Variants in NAV1 observed in about 807,000 individuals in gnomAD.
The protein encoded by NAV1 is pore membrane and/or filament interacting like protein 3.
Under a neutral mutation model 175.2 loss-of-function variants are expected in NAV1, and 18 were observed. The observed-to-expected ratio is 0.10, with a 90% CI of 0.07 to 0.15. The LOEUF (loss-of-function observed/expected upper bound fraction) is 0.15. Ranked by LOEUF, NAV1 falls within the 10% of genes least tolerant of loss-of-function variation. NAV1 has a pLI of 1.00. For missense variants in NAV1, 1,731 were observed against 2,436.6 expected, an observed-to-expected ratio of 0.71 and a Z score of 6.10; for synonymous variants, 897 against 978.7, an observed-to-expected ratio of 0.92 and a Z score of 1.56.
chr1:201,663,761 G>T (rs74136660), intron 1 of NAV1, among the ~76,000 whole-genome samples: 2 of 152,166 alleles, frequency 1.3e-5, no homozygotes, highest in Non-Finnish European at 2.9e-5. Context: ...AGGGTATTGG[G>T]TTGTGGGGAG....
chr1:201,675,174 C>T (rs1382489437), intron 1 of NAV1, among the ~76,000 whole-genome samples: 1 of 152,198 alleles, frequency 6.6e-6, no homozygotes, highest in Non-Finnish European at 1.5e-5. Flanking sequence ...AGGGAACGGC[C>T]TCCAGACTAC....
intron 1 of NAV1, among the ~76,000 whole-genome samples, chr1:201,567,294 T>C (rs1379516073): frequency 2.0e-5 from 3 of 152,128 alleles, no homozygotes; most frequent in Admixed American, 6.5e-5. Context: ...CCTCTGTTGT[T>C]TTTTCTGATG....
chr1:201,705,122 T>A (rs1671613749), intron 1 of NAV1, among the ~76,000 whole-genome samples: 1 of 152,152 alleles, frequency 6.6e-6, no homozygotes, highest in Non-Finnish European at 1.5e-5. Context: ...CCTCACCCTC[T>A]TTACGTGTTC....
intron 1 of NAV1, among the ~76,000 whole-genome samples, chr1:201,656,201 A>G (rs1405633950): frequency 1.3e-5 from 2 of 152,242 alleles, no homozygotes; most frequent in East Asian, 1.9e-4. Context: ...AGACATCTCA[A>G]TGATACATTT....
At chr1:201,605,144 T>C (rs1049664319) in intron 2 of NAV1, among the ~76,000 whole-genome samples, 3 of 151,386 alleles carry the variant, frequency 2.0e-5, no homozygotes, top group South Asian at 2.1e-4. Context: ...TTTTTTTTTT[T>C]CCTTCCCCCT....
At chr1:201,703,078 C>T (rs2102447617) in intron 1 of NAV1, among the ~76,000 whole-genome samples, 1 of 152,360 alleles carries the variant, frequency 6.6e-6, no homozygotes, top group South Asian at 2.1e-4. Context: ...CCTCCCCACT[C>T]CCGTCCCCAT....
At chr1:201,797,693 T>G (rs1160449444) in intron 15 of NAV1, 1 of 152,278 alleles carries the variant, frequency 6.6e-6, no homozygotes, top group Non-Finnish European at 1.5e-5. Flanking sequence ...TTTGCAGTTT[T>G]TCAGCATATG....
chr1:201,642,694 T>TC (rs372998370), intron 2 of NAV1, among the ~76,000 whole-genome samples: 16,195 of 140,388 alleles, frequency 0.12, 1,303 homozygotes, highest in African/African-American at 0.25. Flanking sequence ...CTTCCCTTTC[T>TC]TCTCTCTCTT....
rs895537617 is a variant in NAV1 at position 201,810,563 on chromosome 1, G to T, written c.4602G>T (p.Thr1534=). 12 of 1,613,134 alleles carry T rather than the reference G, an allele frequency of 7.4e-6. No individual in the cohort carries two copies. Among genetic ancestry groups the T allele is most frequent in the Middle Eastern group, 1.6e-4 (1 of 6,082 alleles). ...GCGTCGACAGCCTGGTGTTCGAGAC[G>T]CTGATCCCCAAGCCGATGATGCAGC... The change falls in exon 24 of 30, where the codon ACG becomes ACT. Residue 1534 remains threonine (T), a synonymous_variant. Coordinates refer to ENST00000367296, the Ensembl canonical transcript of NAV1. This position sits in a 1 kb window ranked among gnomAD's most constrained non-coding sequence, Gnocchi z 6.0.
Position 201,782,968 on chromosome 1 carries a change from G to A in NAV1, c.2357+99G>A, listed in dbSNP as rs945240001. 41 of 1,020,690 alleles carry A rather than the reference G, an allele frequency of 4.0e-5. No homozygotes were observed. In the African/African-American group the frequency reaches 5.1e-4, roughly 13 times the overall value. 63.2% of individuals were successfully genotyped at this position (1,020,690 alleles called of 1,614,324 possible). On this transcript the variant is annotated intron_variant, in intron 6 of 29. Coordinates refer to ENST00000367296, the Ensembl canonical transcript of NAV1. This position sits in a 1 kb window ranked among gnomAD's most constrained non-coding sequence, Gnocchi z 5.4. ...CTAGATGAGGCATGGCCTATCCACC[G>A]TTGTCTCTAGGCCTTTGCATGGCTC...
exon 2 of NAV1, chr1:201,629,464 T>C (rs754777074): frequency 2.1e-5 from 28 of 1,304,244 alleles, no homozygotes; most frequent in African/African-American, 1.2e-4. Flanking sequence ...TTGATGGCTA[T>C]GCTGAGCCCC....
intron 2 of NAV1, among the ~76,000 whole-genome samples, chr1:201,608,350 G>A (rs548737865): frequency 6.6e-6 from 1 of 152,164 alleles, no homozygotes; most frequent in Non-Finnish European, 1.5e-5. Flanking sequence ...CACGGCCTGC[G>A]AGTTTCTGAT....
chr1:201,720,581 GCAGGACTTCC>G (rs1672340369), intron 3 of NAV1, among the ~76,000 whole-genome samples: 1 of 152,190 alleles, frequency 6.6e-6, no homozygotes. Context: ...GAGGAAGGTG[GCAGGACTTCC>G]GGCTCTTAAC....
intron 1 of NAV1, among the ~76,000 whole-genome samples, chr1:201,625,114 C>T (rs192163139): frequency 6.6e-6 from 1 of 152,304 alleles, no homozygotes; most frequent in East Asian, 1.9e-4. Context: ...TTTAAAAGGA[C>T]ATCGACATAC....
chr1:201,633,240 A>G (rs1190012250), intron 2 of NAV1, among the ~76,000 whole-genome samples: 1 of 152,242 alleles, frequency 6.6e-6, no homozygotes, highest in Non-Finnish European at 1.5e-5. Context: ...ACTAAATGGT[A>G]ATAATGACTA....
At chr1:201,781,222 C>T (rs781164763) in exon 5 of NAV1, 2 of 1,614,004 alleles carry the variant, frequency 1.2e-6, no homozygotes. Flanking sequence ...CCTGGGCCAC[C>T]CTGGTTCCCT....
intron 1 of NAV1, among the ~76,000 whole-genome samples, chr1:201,567,942 C>T (rs1410234286): frequency 6.6e-6 from 1 of 152,142 alleles, no homozygotes; most frequent in African/African-American, 2.4e-5. Context: ...GAGACAGAGC[C>T]TCATGGGTGC....
chr1:201,577,926 A>G (rs555124777), intron 1 of NAV1, among the ~76,000 whole-genome samples: 17 of 151,920 alleles, frequency 1.1e-4, no homozygotes, highest in Middle Eastern at 3.4e-3. Flanking sequence ...TGCTTTCAAG[A>G]TTGTTTCTTT....
chr1:201,675,184 C>T (rs144200651), intron 1 of NAV1, among the ~76,000 whole-genome samples: 1 of 152,336 alleles, frequency 6.6e-6, no homozygotes, highest in African/African-American at 2.4e-5. Flanking sequence ...CTCCAGACTA[C>T]ACCAGGTACC....
Sources: allele counts gnomAD v4.1 joint callset (sites outside exome capture counted in the v4.1 genomes callset), GRCh38; gene constraint gnomAD v4.1.1; non-coding constraint Gnocchi (gnomAD v3.1); transcripts MANE v1.5; gene names NCBI Gene and HGNC (gene_info 2026-07-23, HGNC 2026-07-21).